The following CNTNAP2 variants were observed in gnomAD, a reference collection of about 807,000 sequenced individuals.
CNTNAP2 encodes the protein contactin associated protein 2.
CNTNAP2 carries 98 observed loss-of-function variants against 155.2 expected under a neutral mutation model. The observed-to-expected ratio is 0.63, with a 90% CI of 0.54 to 0.75. CNTNAP2 has a LOEUF of 0.75. Ranked by LOEUF, CNTNAP2 falls within the 30% of genes least tolerant of loss-of-function variation. The pLI, the probability that CNTNAP2 is intolerant of heterozygous loss-of-function variation, is 0.00. For synonymous variants in CNTNAP2, 651 were observed against 631.2 expected, an observed-to-expected ratio of 1.03 and a Z score of -0.47; for missense variants, 1,727 against 1,688.1, an observed-to-expected ratio of 1.02 and a Z score of -0.40.
intron 13 of CNTNAP2, among the ~76,000 whole-genome samples, chr7:147,826,345 T>C (rs151302665): frequency 4.1e-4 from 63 of 152,346 alleles, no homozygotes; most frequent in Middle Eastern, 3.4e-3. Flanking sequence ...CTATAATTTA[T>C]TCTGAATTAA....
At chr7:148,163,944 TG>T (rs1270812796) in intron 17 of CNTNAP2, among the ~76,000 whole-genome samples, 1 of 152,218 alleles carries the variant, frequency 6.6e-6, no homozygotes, top group African/African-American at 2.4e-5. Context: ...TGTTTTGTTT[TG>T]TTTTTTTGAG....
At chr7:146,510,804 A>G (rs1441070574) in intron 1 of CNTNAP2, among the ~76,000 whole-genome samples, 1 of 151,992 alleles carries the variant, frequency 6.6e-6, no homozygotes, top group African/African-American at 2.4e-5. Context: ...GTGTACATAA[A>G]TGCTACTGAG....
chr7:147,741,457 G>A (rs1796956373), intron 13 of CNTNAP2, among the ~76,000 whole-genome samples: 7 of 152,188 alleles, frequency 4.6e-5, no homozygotes, highest in Admixed American at 4.6e-4. Context: ...GCTGGCATAA[G>A]AAGCAAATAA....
intron 1 of CNTNAP2, among the ~76,000 whole-genome samples, chr7:146,642,370 C>T: frequency 7.0e-6 from 1 of 142,316 alleles, no homozygotes; most frequent in Non-Finnish European, 1.5e-5. Flanking sequence ...CATGTGTTCT[C>T]ATTCTTCAAT....
At chr7:146,515,966 T>C (rs901112126) in intron 1 of CNTNAP2, among the ~76,000 whole-genome samples, 9 of 152,118 alleles carry the variant, frequency 5.9e-5, no homozygotes, top group Non-Finnish European at 1.2e-4. Context: ...ATTATTCAAA[T>C]GTAAGTATAT....
intron 16 of CNTNAP2, among the ~76,000 whole-genome samples, chr7:148,144,748 A>C (rs1805143465): frequency 6.6e-6 from 1 of 152,150 alleles, no homozygotes; most frequent in Non-Finnish European, 1.5e-5. Context: ...GTATATAAGA[A>C]ATTCCTTTTT....
chr7:146,667,614 T>C (rs1028255658), intron 1 of CNTNAP2, among the ~76,000 whole-genome samples: 1 of 152,112 alleles, frequency 6.6e-6, no homozygotes, highest in South Asian at 2.1e-4. Context: ...GTATGATGTA[T>C]CTTTCTGTTC....
chr7:147,139,514 C>G (rs1285911974), intron 8 of CNTNAP2, among the ~76,000 whole-genome samples: 4 of 152,186 alleles, frequency 2.6e-5, no homozygotes, highest in African/African-American at 7.2e-5. Context: ...TCCCACTCCC[C>G]CCATTAACCT....
chr7:147,754,027 GC>G, intron 13 of CNTNAP2, among the ~76,000 whole-genome samples: 1 of 152,200 alleles, frequency 6.6e-6, no homozygotes, highest in East Asian at 1.9e-4. Flanking sequence ...TACCACTGCA[GC>G]CCTCGTTTCA....
At chr7:148,108,139 C>G (rs1305936535) in intron 15 of CNTNAP2, among the ~76,000 whole-genome samples, 1 of 152,236 alleles carries the variant, frequency 6.6e-6, no homozygotes, top group Non-Finnish European at 1.5e-5. Flanking sequence ...GGCAGGGCCT[C>G]TACTTCTCAT....
intron 8 of CNTNAP2, among the ~76,000 whole-genome samples, chr7:147,175,894 T>C (rs138627911): frequency 2.6e-5 from 4 of 152,168 alleles, no homozygotes; most frequent in Admixed American, 6.5e-5. Flanking sequence ...TTTATCAAAC[T>C]TCCCCCCTCT....
intron 3 of CNTNAP2, among the ~76,000 whole-genome samples, chr7:146,970,286 G>A (rs565923792): frequency 2.0e-5 from 3 of 151,880 alleles, no homozygotes; most frequent in African/African-American, 4.8e-5. Flanking sequence ...CTACAAAATC[G>A]GAGAAAATTT....
chr7:147,125,270 C>T (rs1018445934), intron 6 of CNTNAP2, among the ~76,000 whole-genome samples: 10 of 152,078 alleles, frequency 6.6e-5, no homozygotes, highest in Non-Finnish European at 1.5e-5. Flanking sequence ...CCGCCTCAGC[C>T]TCCCAAAATG....
rs1306121759 is a variant in CNTNAP2, at chr7:148,337,957, A to T, written c.3476-45692A>T. Among the ~76,000 whole-genome samples the T allele has an allele frequency of 5.3e-5, 8 of 152,216 alleles. No homozygotes were observed. The East Asian group carries it at 1.5e-3, about 29-fold the overall frequency. ...AGAATGTTTCTTAAATTTACATACG[A>T]TAAAATCCACTATTTTATATTAAGT... On this transcript the variant is annotated intron_variant, in intron 21 of 23. Transcript: ENST00000361727.
chr7:148,388,424 T>G lies in CNTNAP2; in HGVS notation c.3715+4536T>G, dbSNP rs373433309. 6.2e-4 allele frequency among the ~76,000 whole-genome samples: 94 copies of G among 152,008 alleles called. No homozygotes were observed. The East Asian group carries it at 0.01, about 17-fold the overall frequency. On this transcript the variant is annotated intron_variant, in intron 22 of 23. Transcript: ENST00000361727. ...GTTTTTTGTCCTTGCGATAGTTTACTGAGAATGATGATTTCCAATTTCATC... is the reference window on the plus strand; with the variant it reads ...GTTTTTTGTCCTTGCGATAGTTTACGGAGAATGATGATTTCCAATTTCATC...
At chr7:147,863,896 T>C (rs553124323) in intron 13 of CNTNAP2, among the ~76,000 whole-genome samples, 5 of 152,294 alleles carry the variant, frequency 3.3e-5, no homozygotes, top group South Asian at 4.1e-4. Flanking sequence ...ACTCCAATGA[T>C]AGTTTCTTTT....
rs200282837 is a variant in CNTNAP2, at chr7:147,132,522, T to G, written c.1348+13T>G. 2.3e-5 allele frequency: 37 copies of G among 1,613,202 alleles called. No individual in the cohort carries two copies. The highest frequency in any genetic ancestry group is 3.1e-5 in the Non-Finnish European group (37 of 1,179,514). On this transcript the variant is annotated intron_variant, in intron 8 of 23. Transcript: ENST00000361727. ...GATATTTCCTCAGGTCAGTGAAACC[T>G]ATTTGACATTTGTTCCTGAAACTTA...
At chr7:147,885,044 G>A (rs892136119) in intron 13 of CNTNAP2, among the ~76,000 whole-genome samples, 1 of 152,202 alleles carries the variant, frequency 6.6e-6, no homozygotes, top group African/African-American at 2.4e-5. Flanking sequence ...ATGACTGTCT[G>A]GAGAGTAACA....
chr7:146,155,014 G>A (rs1337694975), intron 1 of CNTNAP2, among the ~76,000 whole-genome samples: 1 of 152,130 alleles, frequency 6.6e-6, no homozygotes, highest in Non-Finnish European at 1.5e-5. Flanking sequence ...TTATTGGTTT[G>A]CAACCACACA....
Sources: allele counts gnomAD v4.1 joint callset (sites outside exome capture counted in the v4.1 genomes callset), GRCh38; gene constraint gnomAD v4.1.1; transcripts MANE v1.5; gene names NCBI Gene and HGNC (gene_info 2026-07-23, HGNC 2026-07-21).